Variants in PTCHD4 observed in about 807,000 individuals in gnomAD.
PTCHD4 encodes patched domain-containing protein 4.
In PTCHD4, 33 loss-of-function variants were observed where a neutral mutation model predicts 58.1. The observed-to-expected ratio is 0.57, with a 90% CI of 0.43 to 0.76. The LOEUF (loss-of-function observed/expected upper bound fraction) is 0.76, where lower values mean the gene tolerates loss of function less well. Among genes scored for constraint, PTCHD4 ranks in the 30% least tolerant of loss-of-function variants. PTCHD4 has a pLI of 0.00. For synonymous variants in PTCHD4, 478 were observed against 409.6 expected (o/e 1.17, Z -2.02); for missense variants, 1,058 against 1,027.1 (o/e 1.03, Z -0.41).
chr6:48,076,581 C>T (rs1765068267), intron 1 of PTCHD4, among the ~76,000 whole-genome samples: 1 of 152,198 alleles, frequency 6.6e-6, no homozygotes, highest in African/African-American at 2.4e-5. Flanking sequence ...GATGTATTAG[C>T]AGGCATGAAA....
chr6:48,106,084 C>T (rs1765715162), intron 1 of PTCHD4, among the ~76,000 whole-genome samples: 2 of 152,106 alleles, frequency 1.3e-5, no homozygotes, highest in South Asian at 4.1e-4. Flanking sequence ...TGAGAGAATC[C>T]TCCCTAACTC....
rs544497009 is a variant in PTCHD4, at chr6:47,877,132, G to T, written c.*1171C>A. 1.1e-4 allele frequency among the ~76,000 whole-genome samples: 16 copies of T among 152,160 alleles called. No homozygotes were observed. In the South Asian group the frequency reaches 3.1e-3, roughly 30 times the overall value. ...AATAGTTTCCTTATGCTAAGAACTAGTAGATGGCATGTGATGAGTGGGTAT... is the reference window on the plus strand; with the variant it reads ...AATAGTTTCCTTATGCTAAGAACTATTAGATGGCATGTGATGAGTGGGTAT... On this transcript the variant is annotated 3_prime_UTR_variant, in exon 5 of 5. Transcript: ENST00000339488.
intron 4 of PTCHD4, among the ~76,000 whole-genome samples, chr6:47,996,247 T>A (rs1768481647): frequency 6.6e-6 from 1 of 152,088 alleles, no homozygotes; most frequent in South Asian, 2.1e-4. Context: ...GGCGAGCGGA[T>A]CACTTGAGGT....
intron 4 of PTCHD4, among the ~76,000 whole-genome samples, chr6:47,916,164 CA>C (rs1402648499): frequency 6.6e-6 from 1 of 151,986 alleles, no homozygotes; most frequent in Non-Finnish European, 1.5e-5. Context: ...CAGTGTGGCT[CA>C]AGATAAGAGG....
rs191659821 is a variant in PTCHD4 at position 47,912,470 on chromosome 6, C to T, written c.899-32534G>A. On this transcript the variant is annotated intron_variant, in intron 4 of 4. Coordinates refer to ENST00000339488, the MANE Select transcript of PTCHD4 (RefSeq NM_001384253.1). ...TTTGGTATCCTTGACCATTGCGTCC[C>T]CCAACACTAAATGCCAAAATAGTTA... Among the ~76,000 whole-genome samples the T allele has an allele frequency of 3.3e-5, 5 of 152,212 alleles. No homozygotes were observed. The East Asian group carries it at 9.7e-4, about 29-fold the overall frequency.
At chr6:47,891,641 A>G (rs981084816) in intron 4 of PTCHD4, among the ~76,000 whole-genome samples, 3 of 152,220 alleles carry the variant, frequency 2.0e-5, no homozygotes, top group Admixed American at 6.5e-5. Flanking sequence ...TCTCTTCTTG[A>G]CAGTAAACAA....
intron 4 of PTCHD4, among the ~76,000 whole-genome samples, chr6:48,003,983 T>A (rs1164158630): frequency 1.3e-5 from 2 of 152,206 alleles, no homozygotes; most frequent in Non-Finnish European, 2.9e-5. Context: ...TCTTTATCCC[T>A]TATTCTGCTT....
At chr6:47,893,629 G>A (rs189568096) in intron 4 of PTCHD4, among the ~76,000 whole-genome samples, 41 of 152,288 alleles carry the variant, frequency 2.7e-4, no homozygotes, top group Admixed American at 2.7e-3. Context: ...GAGAATAACA[G>A]TATCTGCTTC....
chr6:47,879,527 G>T lies in PTCHD4; in HGVS notation c.1308C>A (p.Asn436Lys), dbSNP rs2114097614. Residue 436 changes from asparagine to lysine, a missense_variant, in exon 5 of 5, where the codon AAC becomes AAA. Coordinates refer to ENST00000339488, the MANE Select transcript of PTCHD4 (RefSeq NM_001384253.1). ...GCTGAATGAAGTGGTGCTGGTAGGG[G>T]TTCGTCTCATGATGGGACGTCTGTT... ...GHQQTSHHET[N>K]PYQHHFIQHF... The T allele has an allele frequency of 6.2e-7, 1 of 1,613,784 alleles. No homozygotes were observed. The highest frequency in any genetic ancestry group is 8.5e-7 in the Non-Finnish European group (1 of 1,179,786).
Position 48,050,924 on chromosome 6 carries a change from CA to C in PTCHD4, c.417+17305del, listed in dbSNP as rs974979391. On this transcript the variant is annotated intron_variant, in intron 3 of 4. Transcript: ENST00000339488. ...ATTCATGATAATTGAATTAATTGGG[CA>C]GTTGTGTAATGCTGTACTTCACTTT... 6.1e-4 allele frequency among the ~76,000 whole-genome samples: 93 copies of C among 152,040 alleles called. 1 individual carries two copies. The highest frequency in any genetic ancestry group is 2.1e-3 in the African/African-American group (89 of 41,490).
intron 3 of PTCHD4, among the ~76,000 whole-genome samples, chr6:48,057,771 G>T (rs1204509055): frequency 6.6e-6 from 1 of 152,194 alleles, no homozygotes; most frequent in Non-Finnish European, 1.5e-5. Flanking sequence ...GAACTTGAAG[G>T]CTGAGCTAAG....
chr6:48,010,588 G>A (rs1303950275), intron 3 of PTCHD4, among the ~76,000 whole-genome samples: 1 of 151,896 alleles, frequency 6.6e-6, no homozygotes, highest in Non-Finnish European at 1.5e-5. Context: ...TTCCAAGTGA[G>A]GAATTTCTTT....
intron 4 of PTCHD4, among the ~76,000 whole-genome samples, chr6:47,955,701 G>C (rs1766830966): frequency 6.6e-6 from 1 of 152,100 alleles, no homozygotes; most frequent in South Asian, 2.1e-4. Context: ...TAAGAGTAAG[G>C]CTTATGTTGT....
chr6:48,061,818 A>G (rs75778316), intron 3 of PTCHD4, among the ~76,000 whole-genome samples: 1 of 152,208 alleles, frequency 6.6e-6, no homozygotes, highest in Non-Finnish European at 1.5e-5. Context: ...GTCCACCAGC[A>G]CACTGGCAGA....
chr6:48,035,687 C>T (rs1024646162), intron 3 of PTCHD4, among the ~76,000 whole-genome samples: 13 of 152,094 alleles, frequency 8.5e-5, no homozygotes, highest in African/African-American at 3.1e-4. Flanking sequence ...ATCCTTTATT[C>T]TCAGTATCTG....
intron 4 of PTCHD4, among the ~76,000 whole-genome samples, chr6:47,881,950 G>A (rs1037866040): frequency 6.6e-6 from 1 of 152,020 alleles, no homozygotes; most frequent in Non-Finnish European, 1.5e-5. Context: ...TCATTTGGAG[G>A]TCATGAACTG....
chr6:47,974,605 A>G (rs571672417), intron 4 of PTCHD4, among the ~76,000 whole-genome samples: 1 of 152,274 alleles, frequency 6.6e-6, no homozygotes, highest in South Asian at 2.1e-4. Flanking sequence ...TCCTGTCCCA[A>G]CAATCAAAAA....
At chr6:47,980,438 T>G (rs1010082788) in intron 4 of PTCHD4, among the ~76,000 whole-genome samples, 8 of 152,118 alleles carry the variant, frequency 5.3e-5, no homozygotes, top group African/African-American at 1.9e-4. Context: ...TGGTTCTCTG[T>G]AGCTGTCTTC....
At chr6:48,075,960 A>G (rs1765058058) in intron 1 of PTCHD4, among the ~76,000 whole-genome samples, 1 of 152,180 alleles carries the variant, frequency 6.6e-6, no homozygotes, top group East Asian at 1.9e-4. Context: ...TTCATGAAAG[A>G]TTTCTCTGTA....
Sources: allele counts gnomAD v4.1 joint callset (sites outside exome capture counted in the v4.1 genomes callset), GRCh38; gene constraint gnomAD v4.1.1; transcripts MANE v1.5; gene names NCBI Gene and HGNC (gene_info 2026-07-23, HGNC 2026-07-21).